GON7: variants seen among roughly 807,000 people sequenced by gnomAD.
The protein encoded by GON7 is GON7 subunit of KEOPS complex.
GON7 carries 2 observed loss-of-function variants against 7.6 expected under a neutral mutation model. The observed-to-expected ratio is 0.26, with a 90% CI of 0.11 to 0.83. GON7 has a LOEUF of 0.83. Among genes scored for constraint, GON7 ranks in the 40% least tolerant of loss-of-function variants. The pLI is 0.65. For synonymous variants in GON7, 54 were observed against 56.6 expected, an observed-to-expected ratio of 0.95 and a Z score of 0.20; for missense variants, 121 against 132.2, an observed-to-expected ratio of 0.92 and a Z score of 0.42.
chr14:93,203,868 T>C, intron 1 of GON7, 86 bp from the exon 2 acceptor site: 1 of 919,798 alleles, frequency 1.1e-6, no homozygotes, highest in Non-Finnish European at 1.6e-6. Flanking sequence ...AATGAGACCA[T>C]TTCACTTTAG....
In GON7 at chr14:93,203,086, A is replaced by G. The variant is rs1894281757; in HGVS notation, c.*602T>C. On this transcript the variant is annotated 3_prime_UTR_variant, in exon 2 of 2. Transcript: ENST00000306954. The stretch of plus-strand genomic sequence containing the variant: ...ACCCCATCTGGCTCTCTTAAGGTAC[A>G]TGATAAATCAGACTAATGCACATTC... The G allele has an allele frequency of 6.6e-6, 1 of 152,312 alleles. No homozygotes were observed. The allele number at this position is 152,312 out of a possible 1,614,324, so 9.4% of individuals were successfully genotyped here. A position where few individuals can be genotyped will look rare whatever the true frequency, so the allele number is the denominator to read the frequency against.
chr14:93,206,444 C>T (rs1188337837), intron 1 of GON7, among the ~76,000 whole-genome samples: 3 of 152,072 alleles, frequency 2.0e-5, no homozygotes, highest in African/African-American at 7.2e-5. Context: ...GCATTCGACA[C>T]GTTTTTTTGT....
At chr14:93,206,069 G>A (rs577896420) in intron 1 of GON7, among the ~76,000 whole-genome samples, 1 of 152,046 alleles carries the variant, frequency 6.6e-6, no homozygotes, top group East Asian at 1.9e-4. Flanking sequence ...GCAGTGGCGC[G>A]ATCTCGGCTC....
chr14:93,205,935 A>G (rs1223779331), intron 1 of GON7, among the ~76,000 whole-genome samples: 1 of 152,214 alleles, frequency 6.6e-6, no homozygotes, highest in African/African-American at 2.4e-5. Flanking sequence ...CAAAAGTCTT[A>G]TCCTTTCTGA....
chr14:93,206,837 G>C lies in GON7; in HGVS notation c.201C>G (p.Asp67Glu). The change falls in exon 1 of 2, where the codon GAC becomes GAG. Residue 67 changes from aspartate (D) to glutamate (E), a missense_variant. Coordinates refer to ENST00000306954, the MANE Select transcript of GON7 (RefSeq NM_032490.5). ...QHRVAAAPDE[D>E]LDGDDEDDAE... is the part of the protein sequence containing the mutation. ...CACCGTCTCAGAGCTCACCGTCCAA[G>C]TCCTCGTCTGGAGCCGCCGCCACCC... 6.2e-7 allele frequency: 1 copy of C among 1,613,736 alleles called. No individual in the cohort carries two copies. The highest frequency in any genetic ancestry group is 8.5e-7 in the Non-Finnish European group (1 of 1,179,896).
Position 93,203,121 on chromosome 14 carries a change from G to C in GON7, c.*567C>G, listed in dbSNP as rs117650823. On this transcript the variant is annotated 3_prime_UTR_variant, in exon 2 of 2. Coordinates refer to ENST00000306954, the MANE Select transcript of GON7 (RefSeq NM_032490.5). ...AGACTAATGCACATTCATCAAAGTG[G>C]CATCATCTCAGGATATGTGCATATT... 0.016 allele frequency: 2,425 copies of C among 152,516 alleles called. 27 individuals carry two copies. The highest frequency in any genetic ancestry group is 0.054 in the South Asian group (261 of 4,842). 9.4% of individuals were successfully genotyped at this position (152,516 alleles called of 1,614,324 possible).
At chr14:93,204,156 C>T (rs1440999250) in intron 1 of GON7, among the ~76,000 whole-genome samples, 2 of 152,032 alleles carry the variant, frequency 1.3e-5, no homozygotes, top group South Asian at 2.1e-4. Context: ...CTACCACGCC[C>T]GGCTAATTTT....
At chr14:93,206,556 T>A (rs977459084) in intron 1 of GON7, among the ~76,000 whole-genome samples, 3 of 152,110 alleles carry the variant, frequency 2.0e-5, no homozygotes, top group East Asian at 1.9e-4. Flanking sequence ...TAAATTATTT[T>A]AAAAATAATA....
intron 1 of GON7, among the ~76,000 whole-genome samples, chr14:93,205,089 A>G (rs1017811161): frequency 6.6e-6 from 1 of 152,202 alleles, no homozygotes; most frequent in Non-Finnish European, 1.5e-5. Context: ...TACCAGTGGA[A>G]CTGCTGGGTC....
At chr14:93,204,346 T>A (rs1198176809) in intron 1 of GON7, among the ~76,000 whole-genome samples, 1 of 152,232 alleles carries the variant, frequency 6.6e-6, no homozygotes, top group Non-Finnish European at 1.5e-5. Flanking sequence ...GTATATTCAC[T>A]AGCTTGTGCA....
At chr14:93,204,925 C>T (rs1402823477) in intron 1 of GON7, among the ~76,000 whole-genome samples, 1 of 152,206 alleles carries the variant, frequency 6.6e-6, no homozygotes, top group African/African-American at 2.4e-5. Context: ...GCTTCAAACT[C>T]TTGGGTTCAC....
chr14:93,205,715 TA>T (rs997131978), intron 1 of GON7, among the ~76,000 whole-genome samples: 2 of 152,092 alleles, frequency 1.3e-5, no homozygotes, highest in Non-Finnish European at 2.9e-5. Context: ...GGCAATTTTT[TA>T]AAAATAATGC....
intron 1 of GON7, among the ~76,000 whole-genome samples, chr14:93,205,062 A>G (rs1454374241): frequency 3.3e-5 from 5 of 152,194 alleles, no homozygotes; most frequent in African/African-American, 1.2e-4. Context: ...ATACGTTTCC[A>G]GTTTTCTTGG....
intron 1 of GON7, 101 bp downstream of exon 1, chr14:93,206,729 C>T: frequency 2.4e-6 from 3 of 1,241,146 alleles, no homozygotes; most frequent in Non-Finnish European, 3.3e-6. Context: ...CCTCGAGGCT[C>T]ACTTTGTCCA....
rs774431032 is a variant in GON7 at position 93,207,039 on chromosome 14, G to C, written c.-2C>G. ...GACGTACTCTCCCAGCAGCTCCATG[G>C]TGACCGCTAAGCTTCCAGAACACGA... On this transcript the variant is annotated 5_prime_UTR_variant, in exon 1 of 2. Transcript: ENST00000306954. The C allele has an allele frequency of 6.2e-7, 1 of 1,612,796 alleles. No homozygotes were observed.
At position 93,207,056 on chromosome 14, in the gene GON7, A is replaced by G. The variant is rs1894365259; in HGVS notation, c.-19T>C. On this transcript the variant is annotated 5_prime_UTR_variant, in exon 1 of 2. Coordinates refer to ENST00000306954, the MANE Select transcript of GON7 (RefSeq NM_032490.5). ...GCTCCATGGTGACCGCTAAGCTTCC[A>G]GAACACGACACCGGGAAGCGCCACC... The G allele has an allele frequency of 6.2e-7, 1 of 1,611,870 alleles. No homozygotes were observed. The highest frequency in any genetic ancestry group is 1.1e-5 in the South Asian group (1 of 91,002).
intron 1 of GON7, among the ~76,000 whole-genome samples, chr14:93,205,427 T>G (rs1894319888): frequency 6.6e-6 from 1 of 152,170 alleles, no homozygotes; most frequent in African/African-American, 2.4e-5. Flanking sequence ...CCCAGCACTC[T>G]GGGAGGCTGA....
At chr14:93,206,140 A>C (rs1894337624) in intron 1 of GON7, among the ~76,000 whole-genome samples, 1 of 152,062 alleles carries the variant, frequency 6.6e-6, no homozygotes, top group African/African-American at 2.4e-5. Context: ...CGAGTAGAGT[A>C]GCTGGGACTA....
intron 1 of GON7, 134 bp downstream of exon 1, chr14:93,206,696 A>T: frequency 9.7e-7 from 1 of 1,031,906 alleles, no homozygotes. Context: ...CCCGCCAAAA[A>T]TTTTTAGATG....
Sources: allele counts gnomAD v4.1 joint callset (sites outside exome capture counted in the v4.1 genomes callset), GRCh38; gene constraint gnomAD v4.1.1; transcripts MANE v1.5; gene names NCBI Gene and HGNC (gene_info 2026-07-23, HGNC 2026-07-21).